Variants in CARD10 observed in about 807,000 individuals in gnomAD.
CARD10 encodes the protein caspase recruitment domain family member 10.
A neutral mutation model predicts 114.6 loss-of-function variants in CARD10; 49 were observed. The ratio of observed to expected loss-of-function variants is 0.43; its 90% CI spans 0.34 to 0.54. The LOEUF (loss-of-function observed/expected upper bound fraction) is 0.54, where lower values mean the gene tolerates loss of function less well. CARD10 is among the 20% of genes least tolerant of loss of function. The pLI is 0.03. For synonymous variants in CARD10, 602 were observed against 593.2 expected (o/e 1.01, Z -0.21); for missense variants, 1,206 against 1,397.2 (o/e 0.86, Z 2.18).
At chr22:37,506,753 G>A (rs1445248819) in intron 6 of CARD10, among the ~76,000 whole-genome samples, 2 of 152,114 alleles carry the variant, frequency 1.3e-5, no homozygotes, top group African/African-American at 4.8e-5. Flanking sequence ...CCCAGTCAGT[G>A]GAGAAGCCAG....
In CARD10 at chr22:37,519,340, CACCCCGCACGCT is replaced by C; in HGVS notation, c.-152_-141del. 7.6e-7 allele frequency: 1 copy of C among 1,316,068 alleles called. No individual in the cohort carries two copies. The highest frequency in any genetic ancestry group is 9.7e-7 in the Non-Finnish European group (1 of 1,035,190). The allele number at this position is 1,316,068 out of a possible 1,614,324, so 81.5% of individuals were successfully genotyped here. On this transcript the variant is annotated 5_prime_UTR_variant, in exon 1 of 20. Transcript: ENST00000251973. The surrounding 1 kb of genome is among the most constrained non-coding windows in gnomAD (Gnocchi z 4.1). ...GGCGCGCCCCGAGCTCCCCGCGACTCACCCCGCACGCTACAGTCGCCTCGGGCTCCCGGGTCC... is the reference window on the plus strand; with the variant it reads ...GGCGCGCCCCGAGCTCCCCGCGACTCACAGTCGCCTCGGGCTCCCGGGTCC...
chr22:37,491,876 A>T lies in CARD10; in HGVS notation c.2752-9T>A, dbSNP rs777934363. 6.3e-7 allele frequency: 1 copy of T among 1,591,442 alleles called. No homozygotes were observed. Among genetic ancestry groups the T allele is most frequent in the Non-Finnish European group, 8.6e-7 (1 of 1,167,292 alleles). On this transcript the variant is annotated splice_polypyrimidine_tract_variant and intron_variant, in intron 18 of 19. Transcript: ENST00000251973. ...TCCAGCAGGCAGTGCTTCTGCTTGGAGGATCGAGGCTACAATGTACTCCTG... is the reference window on the plus strand; with the variant it reads ...TCCAGCAGGCAGTGCTTCTGCTTGGTGGATCGAGGCTACAATGTACTCCTG...
chr22:37,511,375 A>AAGAAG (rs1569167070), intron 3 of CARD10, among the ~76,000 whole-genome samples: 1 of 117,322 alleles, frequency 8.5e-6, no homozygotes, highest in Admixed American at 9.2e-5. Flanking sequence ...AAAAAAAAAA[A>AAGAAG]AAGAAGAAGA....
chr22:37,519,001 C>T lies in CARD10; in HGVS notation c.200G>A (p.Ser67Asn). ...GACGCGGCACGGGAAGCGGTAGGTGCTCAGCACCTCCTCCTCGTCCTGCTC... is the reference window on the plus strand; with the variant it reads ...GACGCGGCACGGGAAGCGGTAGGTGTTCAGCACCTCCTCCTCGTCCTGCTC... ...IDEQDEEEVLSTYRFPCRVNR... is the reference protein window; with the variant it reads ...IDEQDEEEVLNTYRFPCRVNR... The change falls in exon 1 of 20, where the codon AGC (serine) becomes AAC (asparagine). Residue 67 changes from serine (S) to asparagine (N), a missense_variant. Ser to Asn is a conservative substitution (Grantham distance 46). Coordinates refer to ENST00000251973, the MANE Select transcript of CARD10 (RefSeq NM_014550.4). The surrounding 1 kb of genome is among the most constrained non-coding windows in gnomAD (Gnocchi z 4.1). 6.3e-7 allele frequency: 1 copy of T among 1,583,684 alleles called. No homozygotes were observed. The highest frequency in any genetic ancestry group is 8.5e-7 in the Non-Finnish European group (1 of 1,171,330).
chr22:37,492,449 C>T lies in CARD10; in HGVS notation c.2737G>A (p.Glu913Lys), dbSNP rs1335952575. The T allele has an allele frequency of 5.2e-5, 82 of 1,577,302 alleles. No homozygotes were observed. The highest frequency in any genetic ancestry group is 6.8e-5 in the Non-Finnish European group (79 of 1,160,522). ...CCAGCACCCACCTTCCCAACAGACTCCTGGATGGCCCGGATCCTGCTGCCT... is the reference window on the plus strand; with the variant it reads ...CCAGCACCCACCTTCCCAACAGACTTCTGGATGGCCCGGATCCTGCTGCCT... The part of the protein sequence containing the change: ...GLGSRIRAIQ[E>K]SVGKKHCLLE... The change falls in exon 18 of 20, where the codon GAG becomes AAG. Residue 913 changes from glutamate (E) to lysine (K), a missense_variant. Coordinates refer to ENST00000251973, the MANE Select transcript of CARD10 (RefSeq NM_014550.4). This position sits in a 1 kb window ranked among gnomAD's most constrained non-coding sequence, Gnocchi z 5.7.
At chr22:37,504,518 C>T (rs1923335475) in intron 8 of CARD10, 117 bp downstream of exon 8, 6 of 1,419,974 alleles carry the variant, frequency 4.2e-6, no homozygotes, top group Admixed American at 5.6e-5. Context: ...AAGTACTTGG[C>T]CTCCCTGCGC....
intron 7 of CARD10, 71 bp downstream of exon 7, chr22:37,506,121 A>G: frequency 7.9e-7 from 1 of 1,263,954 alleles, no homozygotes; most frequent in Non-Finnish European, 1.1e-6. Flanking sequence ...GCACGTTCCC[A>G]GCCCTGGCCA....
Position 37,492,624 on chromosome 22 carries a change from T to C in CARD10, c.2635+20A>G. On this transcript the variant is annotated intron_variant, in intron 17 of 19. Transcript: ENST00000251973. This position sits in a 1 kb window ranked among gnomAD's most constrained non-coding sequence, Gnocchi z 5.7. ...GCCCAGAGGGGCACCCAGCCTCCCC[T>C]CCCCGGCACATAGTCTCACCCGCTG... The C allele has an allele frequency of 1.2e-6, 2 of 1,611,012 alleles. No individual in the cohort carries two copies. The highest frequency in any genetic ancestry group is 1.7e-6 in the Non-Finnish European group (2 of 1,178,808).
chr22:37,492,864 G>T lies in CARD10; in HGVS notation c.2477-62C>A. On this transcript the variant is annotated intron_variant, in intron 16 of 19. Transcript: ENST00000251973. This position sits in a 1 kb window ranked among gnomAD's most constrained non-coding sequence, Gnocchi z 5.7. ...CAGGCAGGCAGCATACCAGCTCGTC[G>T]ATACCCCAAAACCCACCCCGCCACC... 1 of 1,542,926 alleles carries T rather than the reference G, an allele frequency of 6.5e-7. No individual in the cohort carries two copies. Among genetic ancestry groups the T allele is most frequent in the South Asian group, 1.2e-5 (1 of 83,022 alleles).
rs553563720 is a variant in CARD10, at chr22:37,494,703, C to T, written c.2374-515G>A. The T allele has an allele frequency of 3.0e-5, 5 of 166,226 alleles. No homozygotes were observed. In the South Asian group the frequency reaches 5.9e-4, roughly 20 times the overall value. 10.3% of individuals were successfully genotyped at this position (166,226 alleles called of 1,614,324 possible). The stretch of plus-strand genomic sequence containing the variant: ...AACTCACGGAAGTCATCTCCTGCCA[C>T]GCACAGCCTGACAGGCAGTACAACC... On this transcript the variant is annotated intron_variant, in intron 15 of 19. Transcript: ENST00000251973.
chr22:37,509,152 C>T (rs1923522840), intron 4 of CARD10: 1 of 1,473,322 alleles, frequency 6.8e-7, no homozygotes, highest in Admixed American at 2.4e-5. Context: ...CCAAGTGCCC[C>T]AACCCCATGA....
chr22:37,500,100 G>A (rs1477321281), intron 11 of CARD10, among the ~76,000 whole-genome samples: 1 of 152,182 alleles, frequency 6.6e-6, no homozygotes, highest in Admixed American at 6.5e-5. Flanking sequence ...GTGCCTGCTT[G>A]GTACCAGGTC....
Position 37,491,819 on chromosome 22 carries a change from G to A in CARD10, c.2800C>T (p.Gln934Ter), listed in dbSNP as rs1476729863. ...LGARGVRELV[Q>*]NEIYPIVIHV... ...ATGACGATGGGGTAGATCTCGTTCT[G>A]CACCAGCTCCCGCACACCCCGAGCA... The change falls in exon 19 of 20, where the codon CAG becomes TAG. Residue 934 changes from glutamine (Q) to a stop codon, truncating the protein, a stop_gained. Transcript: ENST00000251973. LOFTEE classifies it high-confidence loss of function. 4 of 1,556,854 alleles carry A rather than the reference G, an allele frequency of 2.6e-6. No homozygotes were observed. The highest frequency in any genetic ancestry group is 3.5e-6 in the Non-Finnish European group (4 of 1,150,852).
At position 37,502,711 on chromosome 22, in the gene CARD10, T is replaced by TA; in HGVS notation, c.1677dup (p.Lys560Ter). The TA allele has an allele frequency of 6.2e-7, 1 of 1,613,306 alleles. No homozygotes were observed. Among genetic ancestry groups the TA allele is most frequent in the Non-Finnish European group, 8.5e-7 (1 of 1,179,710 alleles). Reference sequence around the variant, plus strand: ...GAAGAGAGGCCAGGGGACCAGGGCTTAAGTGTCACACTCCCTGGGGAAAAA... The same window carrying TA: ...GAAGAGAGGCCAGGGGACCAGGGCTTAAAGTGTCACACTCCCTGGGGAAAAA... On this transcript the variant is annotated frameshift_variant, in exon 11 of 20. Transcript: ENST00000251973. LOFTEE classifies it high-confidence loss of function.
rs1922859988 is a variant in CARD10, at chr22:37,492,943, C to A, written c.2477-141G>T. 3.6e-6 allele frequency: 3 copies of A among 831,430 alleles called. No homozygotes were observed. The highest frequency in any genetic ancestry group is 2.7e-5 in the East Asian group (1 of 37,112). The allele number at this position is 831,430 out of a possible 1,614,324, so 51.5% of individuals were successfully genotyped here. On this transcript the variant is annotated intron_variant, in intron 16 of 19. Transcript: ENST00000251973. The surrounding 1 kb of genome is among the most constrained non-coding windows in gnomAD (Gnocchi z 5.7). ...CTCCTACACATGCACACACACACAC[C>A]CTTAGTAGGACCGACGGTGGCAGTA...
chr22:37,510,597 C>T lies in CARD10; in HGVS notation c.700-176G>A, dbSNP rs548014049. 49 of 605,260 alleles carry T rather than the reference C, an allele frequency of 8.1e-5. No individual in the cohort carries two copies. The Admixed American group carries it at 1.1e-3, about 13-fold the overall frequency. The allele number at this position is 605,260 out of a possible 1,614,324, so 37.5% of individuals were successfully genotyped here. On this transcript the variant is annotated intron_variant, in intron 3 of 19. Transcript: ENST00000251973. ...CAGGACAGGCTGGACAGATATAAAACAAACAGGGCTGAGGAAGGAGCAGTG... is the reference window on the plus strand; with the variant it reads ...CAGGACAGGCTGGACAGATATAAAATAAACAGGGCTGAGGAAGGAGCAGTG...
In CARD10 at chr22:37,519,194, C is replaced by G. The variant is rs1402533985; in HGVS notation, c.7G>C (p.Gly3Arg). Residue 3 changes from glycine (G) to arginine (R), a missense_variant, in exon 1 of 20, where the codon GGC (glycine) becomes CGC (arginine). Transcript: ENST00000251973. This position sits in a 1 kb window ranked among gnomAD's most constrained non-coding sequence, Gnocchi z 4.1. The stretch of plus-strand genomic sequence containing the variant: ...TCGGCCTCCCCCGCCTCCGCCCGGC[C>G]CGGCATGGCCGTGTCCTCAGGGTCT... MP[G>R]RAEAGEAEEE... 6.5e-7 allele frequency: 1 copy of G among 1,527,156 alleles called. No individual in the cohort carries two copies. The highest frequency in any genetic ancestry group is 2.5e-5 in the East Asian group (1 of 40,644). 94.6% of individuals were successfully genotyped at this position (1,527,156 alleles called of 1,614,324 possible). A position where few individuals can be genotyped will look rare whatever the true frequency, so the allele number is the denominator to read the frequency against.
rs1355288573 is a variant in CARD10 at position 37,492,464 on chromosome 22, TC to T, written c.2721del (p.Ile908SerfsTer39). ...CCAACAGACTCCTGGATGGCCCGGATCCTGCTGCCTAGCCCAGGGGTGGCAG... is the reference window on the plus strand; with the variant it reads ...CCAACAGACTCCTGGATGGCCCGGATCTGCTGCCTAGCCCAGGGGTGGCAG... ...AQPATPGLGSRIRAIQESVGK... is the reference protein window; with the variant it reads ...AQPATPGLGSXIRAIQESVGK... On this transcript the variant is annotated frameshift_variant, in exon 18 of 20. Coordinates refer to ENST00000251973, the MANE Select transcript of CARD10 (RefSeq NM_014550.4). LOFTEE classifies it high-confidence loss of function. The surrounding 1 kb of genome is among the most constrained non-coding windows in gnomAD (Gnocchi z 5.7). 1 of 1,594,434 alleles carries T rather than the reference TC, an allele frequency of 6.3e-7. No individual in the cohort carries two copies.
Position 37,496,957 on chromosome 22 carries a change from G to T in CARD10, c.1947+62C>A. 6.6e-7 allele frequency: 1 copy of T among 1,504,912 alleles called. No individual in the cohort carries two copies. Among genetic ancestry groups the T allele is most frequent in the Non-Finnish European group, 8.9e-7 (1 of 1,122,680 alleles). The allele number at this position is 1,504,912 out of a possible 1,614,324, so 93.2% of individuals were successfully genotyped here. The stretch of plus-strand genomic sequence containing the variant: ...GGTGATCTTGATCCACCAAATTAAG[G>T]GATGTCCAGCCTGGGCAAAAGCACT... On this transcript the variant is annotated intron_variant, in intron 12 of 19. Transcript: ENST00000251973. This position sits in a 1 kb window ranked among gnomAD's most constrained non-coding sequence, Gnocchi z 4.1.
Sources: allele counts gnomAD v4.1 joint callset (sites outside exome capture counted in the v4.1 genomes callset), GRCh38; gene constraint gnomAD v4.1.1; non-coding constraint Gnocchi (gnomAD v3.1); transcripts MANE v1.5; gene names NCBI Gene and HGNC (gene_info 2026-07-23, HGNC 2026-07-21).